The following CLYBL variants were observed in gnomAD, a reference collection of about 807,000 sequenced individuals.
CLYBL encodes the protein citramalyl-CoA lyase, also known as citramalyl-CoA lyase, mitochondrial.
Under a neutral mutation model 38.9 loss-of-function variants are expected in CLYBL, and 31 were observed. The ratio of observed to expected loss-of-function variants is 0.80; its 90% CI spans 0.60 to 1.08. The LOEUF is 1.08. Among genes scored for constraint, CLYBL ranks in the 50% least tolerant of loss-of-function variants. The pLI, the probability that CLYBL is intolerant of heterozygous loss-of-function variation, is 0.00. For missense variants in CLYBL, 434 were observed against 411.6 expected, an observed-to-expected ratio of 1.05 and a Z score of -0.47; for synonymous variants, 171 against 158.6, an observed-to-expected ratio of 1.08 and a Z score of -0.59.
intron 1 of CLYBL, among the ~76,000 whole-genome samples, chr13:99,724,384 G>T (rs965587388): frequency 6.6e-6 from 1 of 151,980 alleles, no homozygotes; most frequent in Non-Finnish European, 1.5e-5. Flanking sequence ...ATATTAAACC[G>T]AAGCGTGGAA....
intron 1 of CLYBL, among the ~76,000 whole-genome samples, chr13:99,617,482 T>G (rs1454710606): frequency 1.3e-5 from 2 of 152,194 alleles, no homozygotes; most frequent in Non-Finnish European, 2.9e-5. Context: ...CCCACATTAT[T>G]CTGTGGCCAA....
At chr13:99,653,494 A>G (rs1412384822) in intron 1 of CLYBL, among the ~76,000 whole-genome samples, 4 of 152,168 alleles carry the variant, frequency 2.6e-5, no homozygotes, top group East Asian at 1.9e-4. Flanking sequence ...CTACTCATCC[A>G]AAGATCATGG....
chr13:99,665,139 G>C (rs2047462022), intron 1 of CLYBL, among the ~76,000 whole-genome samples: 1 of 151,132 alleles, frequency 6.6e-6, no homozygotes, highest in African/African-American at 2.4e-5. Flanking sequence ...TCTCCCACTT[G>C]TTAAAGATTA....
At chr13:99,623,065 A>G (rs1332545615) in intron 1 of CLYBL, among the ~76,000 whole-genome samples, 1 of 152,222 alleles carries the variant, frequency 6.6e-6, no homozygotes, top group African/African-American at 2.4e-5. Context: ...GATTGTGACT[A>G]GTGCTGCTAT....
chr13:99,669,516 AG>A lies in CLYBL; in HGVS notation c.62+62760del, dbSNP rs149390678. Among the ~76,000 whole-genome samples the A allele has an allele frequency of 7.8e-3, 1,192 of 152,312 alleles. 14 individuals are homozygous for A. Among genetic ancestry groups the A allele is most frequent in the African/African-American group, 0.027 (1,131 of 41,568 alleles). Reference sequence around the variant, plus strand: ...GCCTTGAAAAAGTTAGATATTCCAAAGAACCTTAGCTTTTCCCAAATAGGAA... The same window carrying A: ...GCCTTGAAAAAGTTAGATATTCCAAAAACCTTAGCTTTTCCCAAATAGGAA... On this transcript the variant is annotated intron_variant, in intron 1 of 8. Coordinates refer to ENST00000339105, the MANE Select transcript of CLYBL (RefSeq NM_206808.5).
chr13:99,737,564 A>T (rs117613474), intron 1 of CLYBL, among the ~76,000 whole-genome samples: 2,236 of 152,252 alleles, frequency 0.015, 27 homozygotes, highest in South Asian at 0.03. Context: ...AAGTGGCAAG[A>T]TTTTTGGAGC....
Position 99,888,595 on chromosome 13 carries a change from C to CA in CLYBL, c.928-2715dup, listed in dbSNP as rs574508943. On this transcript the variant is annotated intron_variant, in intron 7 of 8. Coordinates refer to ENST00000339105, the MANE Select transcript of CLYBL (RefSeq NM_206808.5). ...TGAAACCCAGTCTCTACTAAAAATA[C>CA]AAAAAAAATTAGCCAAACGTGGTGG... Among the ~76,000 whole-genome samples, 108 of 151,728 alleles carry CA rather than the reference C, an allele frequency of 7.1e-4. 3 individuals are homozygous for CA. The East Asian group carries it at 0.018, about 26-fold the overall frequency.
intron 1 of CLYBL, among the ~76,000 whole-genome samples, chr13:99,703,063 A>C (rs1566614560): frequency 6.6e-6 from 1 of 152,268 alleles, no homozygotes; most frequent in African/African-American, 2.4e-5. Flanking sequence ...CACTTCAGGT[A>C]ATCTAGTTGA....
intron 1 of CLYBL, chr13:99,690,074 A>C (rs2047877358): frequency 6.6e-6 from 1 of 152,166 alleles, no homozygotes; most frequent in South Asian, 2.1e-4. Context: ...TTGTTTTGTT[A>C]AGTAGCATTT....
intron 1 of CLYBL, among the ~76,000 whole-genome samples, chr13:99,643,481 C>T (rs2047126344): frequency 6.6e-6 from 1 of 152,102 alleles, no homozygotes; most frequent in South Asian, 2.1e-4. Context: ...AACCAAGGGG[C>T]ATATGCATTT....
At chr13:99,880,538 A>G (rs558674260) in intron 7 of CLYBL, among the ~76,000 whole-genome samples, 5 of 152,338 alleles carry the variant, frequency 3.3e-5, no homozygotes, top group Admixed American at 3.3e-4. Flanking sequence ...CCCAAAGTCC[A>G]CATCCCTAAC....
intron 1 of CLYBL, among the ~76,000 whole-genome samples, chr13:99,685,676 T>C (rs1288410500): frequency 1.3e-5 from 2 of 152,114 alleles, no homozygotes; most frequent in Admixed American, 1.3e-4. Flanking sequence ...AAGAACCTCT[T>C]AGAGGCCGGG....
intron 1 of CLYBL, among the ~76,000 whole-genome samples, chr13:99,704,223 A>G (rs996350504): frequency 6.6e-6 from 1 of 152,178 alleles, no homozygotes; most frequent in Non-Finnish European, 1.5e-5. Flanking sequence ...TTTATCTGAC[A>G]CATTTCAGGA....
chr13:99,851,159 G>A (rs1183624089), intron 2 of CLYBL, among the ~76,000 whole-genome samples: 1 of 152,076 alleles, frequency 6.6e-6, no homozygotes, highest in East Asian at 1.9e-4. Context: ...CCTGAGGTCA[G>A]GAGTTTGAGA....
intron 1 of CLYBL, among the ~76,000 whole-genome samples, chr13:99,654,233 G>A (rs2047296066): frequency 6.6e-6 from 1 of 152,152 alleles, no homozygotes; most frequent in South Asian, 2.1e-4. Context: ...TCCTTAGCTG[G>A]GCATCCATGG....
intron 1 of CLYBL, among the ~76,000 whole-genome samples, chr13:99,706,944 A>G (rs1269710470): frequency 1.3e-5 from 2 of 152,190 alleles, no homozygotes; most frequent in Admixed American, 6.5e-5. Context: ...CCAGGACTAC[A>G]GGTGCCGTGC....
chr13:99,648,918 T>C (rs1310946536), intron 1 of CLYBL, among the ~76,000 whole-genome samples: 2 of 152,112 alleles, frequency 1.3e-5, no homozygotes, highest in African/African-American at 4.8e-5. Flanking sequence ...ATATATATTT[T>C]TATATTTCAT....
At chr13:99,788,685 G>C (rs1048766957) in intron 2 of CLYBL, among the ~76,000 whole-genome samples, 1 of 152,154 alleles carries the variant, frequency 6.6e-6, no homozygotes, top group Non-Finnish European at 1.5e-5. Context: ...GTCTCTGCCA[G>C]GCTTTGGTAT....
At chr13:99,837,334 C>T (rs1005154435) in intron 2 of CLYBL, among the ~76,000 whole-genome samples, 8 of 152,242 alleles carry the variant, frequency 5.3e-5, no homozygotes, top group South Asian at 2.1e-4. Flanking sequence ...CCTGTACCCT[C>T]AACTAATTGT....
Sources: allele counts gnomAD v4.1 joint callset (sites outside exome capture counted in the v4.1 genomes callset), GRCh38; gene constraint gnomAD v4.1.1; transcripts MANE v1.5; gene names NCBI Gene and HGNC (gene_info 2026-07-23, HGNC 2026-07-21).